FGF3: variants seen among roughly 807,000 people sequenced by gnomAD.
The protein encoded by FGF3 is FGF-3.
A neutral mutation model predicts 9.8 loss-of-function variants in FGF3; 7 were observed. The ratio of observed to expected loss-of-function variants is 0.72; its 90% confidence interval spans 0.41 to 1.35. The LOEUF (loss-of-function observed/expected upper bound fraction) is 1.35, where lower values mean the gene tolerates loss of function less well. Ranked by LOEUF, FGF3 falls within the 40% of genes most tolerant of loss-of-function variation. The probability of loss-of-function intolerance (pLI) is 0.01; values close to 1 mark genes in which losing one functional copy is unlikely to be tolerated. For synonymous variants in FGF3, 173 were observed against 157.2 expected, an observed-to-expected ratio of 1.10 and a Z score of -0.75; for missense variants, 390 against 345.6, an observed-to-expected ratio of 1.13 and a Z score of -1.02.
rs782814843 is a variant in FGF3, at chr11:69,813,938, T to TGATGGGTG, written c.324+2374_324+2381dup. Among the ~76,000 whole-genome samples the TGATGGGTG allele has an allele frequency of 3.6e-3, 105 of 29,530 alleles. 4 individuals are homozygous for TGATGGGTG. The highest frequency in any genetic ancestry group is 4.6e-3 in the Non-Finnish European group (59 of 12,952). The allele number at this position is 29,530 out of a possible 152,430, so 19.4% of individuals were successfully genotyped here. A position where few individuals can be genotyped will look rare whatever the true frequency, so the allele number is the denominator to read the frequency against. ...TTGCTGGATGGATTGGTGGATGGGTTGATGGGTGGATGGGTGGATGGGTGG... is the reference window on the plus strand; with the variant it reads ...TTGCTGGATGGATTGGTGGATGGGTTGATGGGTGGATGGGTGGATGGGTGGATGGGTGG... On this transcript the variant is annotated intron_variant, in intron 2 of 2. Transcript: ENST00000334134.
intron 2 of FGF3, among the ~76,000 whole-genome samples, chr11:69,814,570 G>A (rs1204083428): frequency 3.3e-5 from 5 of 152,064 alleles, no homozygotes; most frequent in Non-Finnish European, 7.4e-5. Context: ...GCATGCTGCC[G>A]GCAAAGTCCA....
chr11:69,816,550 C>A, intron 1 of FGF3, 127 bp from the exon 2 acceptor site: 2 of 703,392 alleles, frequency 2.8e-6, no homozygotes, highest in South Asian at 1.6e-5. Context: ...CCCCACAGGT[C>A]GGGGAGTGAG....
chr11:69,810,059 C>T lies in FGF3; in HGVS notation c.*246G>A, dbSNP rs989603624. ...TCCTCAGTCTGCCAGGGCTGGCACTCAGGCCCTTCCCTGCCGGCTTCCTGC... is the reference window on the plus strand; with the variant it reads ...TCCTCAGTCTGCCAGGGCTGGCACTTAGGCCCTTCCCTGCCGGCTTCCTGC... On this transcript the variant is annotated 3_prime_UTR_variant, in exon 3 of 3. Coordinates refer to ENST00000334134, the MANE Select transcript of FGF3 (RefSeq NM_005247.4). 2.7e-5 allele frequency: 13 copies of T among 481,076 alleles called. No homozygotes were observed. The highest frequency in any genetic ancestry group is 2.6e-4 in the African/African-American group (13 of 50,940). 29.8% of individuals were successfully genotyped at this position (481,076 alleles called of 1,614,324 possible).
intron 2 of FGF3, among the ~76,000 whole-genome samples, chr11:69,815,938 T>G (rs1206542437): frequency 2.6e-5 from 4 of 152,168 alleles, no homozygotes; most frequent in African/African-American, 9.7e-5. Flanking sequence ...AGGAGAGCTC[T>G]GGCTGCCCCA....
intron 2 of FGF3, 109 bp downstream of exon 2, chr11:69,816,211 T>A: frequency 1.1e-6 from 1 of 890,786 alleles, no homozygotes; most frequent in Non-Finnish European, 1.9e-6. Context: ...TTGGGTCCCG[T>A]GTACCCTTGG....
In FGF3 at chr11:69,816,330, A is replaced by T. The variant is rs1856132408; in HGVS notation, c.314T>A (p.Leu105His). The change falls in exon 2 of 3, where the codon CTC becomes CAC. Residue 105 changes from leucine to histidine, a missense_variant. Physicochemically the swap from Leu to His is moderately conservative, Grantham distance 99. Coordinates refer to ENST00000334134, the MANE Select transcript of FGF3 (RefSeq NM_005247.4). ...ACAGCCTGGACTCACCGAAGCATAG[A>T]GTCGTCCCCTCTTGTTCATGGCCAG... Reference protein sequence around the residue: ...RYLAMNKRGRLYASEHYSAEC... With the variant: ...RYLAMNKRGRHYASEHYSAEC... 1 of 1,613,460 alleles carries T rather than the reference A, an allele frequency of 6.2e-7. No homozygotes were observed. Among genetic ancestry groups the T allele is most frequent in the African/African-American group, 1.3e-5 (1 of 74,908 alleles).
At chr11:69,818,405 C>G (rs1337901401) in intron 1 of FGF3, among the ~76,000 whole-genome samples, 2 of 152,144 alleles carry the variant, frequency 1.3e-5, no homozygotes, top group African/African-American at 2.4e-5. Flanking sequence ...CGGGCCGGAC[C>G]GGGGACGGAC....
At chr11:69,813,662 G>A (rs1856066543) in intron 2 of FGF3, among the ~76,000 whole-genome samples, 1 of 135,466 alleles carries the variant, frequency 7.4e-6, no homozygotes, top group Non-Finnish European at 1.6e-5. Context: ...ATGGATGGAT[G>A]GGTGGATGGC....
At position 69,816,361 on chromosome 11, in the gene FGF3, G is replaced by C; in HGVS notation, c.283C>G (p.Arg95Gly). The change falls in exon 2 of 3, where the codon CGG becomes GGG. Residue 95 changes from arginine to glycine, a missense_variant. Coordinates refer to ENST00000334134, the MANE Select transcript of FGF3 (RefSeq NM_005247.4). ...CCCCTCTTGTTCATGGCCAGGTACCGCCCGGAGAAGAGACCCCTGATGGCC... is the reference window on the plus strand; with the variant it reads ...CCCCTCTTGTTCATGGCCAGGTACCCCCCGGAGAAGAGACCCCTGATGGCC... ...IVAIRGLFSG[R>G]YLAMNKRGRL... The C allele has an allele frequency of 6.2e-7, 1 of 1,614,034 alleles. No homozygotes were observed. The highest frequency in any genetic ancestry group is 8.5e-7 in the Non-Finnish European group (1 of 1,179,952).
Position 69,818,837 on chromosome 11 carries a change from CA to C in FGF3, c.96del (p.Gly33AlafsTer46), listed in dbSNP as rs2119940221. The C allele has an allele frequency of 1.4e-6, 2 of 1,476,572 alleles. No homozygotes were observed. Among genetic ancestry groups the C allele is most frequent in the Non-Finnish European group, 1.8e-6 (2 of 1,120,436 alleles). 91.5% of individuals were successfully genotyped at this position (1,476,572 alleles called of 1,614,324 possible). ...CCGCCAAGGTGCTCGTAGACGCCGC[CA>C]CGGCCGCCCGCATCGCGCCGCAACC... ...GARLRRDAGG[R>X]GGVYEHLGGA... On this transcript the variant is annotated frameshift_variant, in exon 1 of 3. Coordinates refer to ENST00000334134, the MANE Select transcript of FGF3 (RefSeq NM_005247.4). LOFTEE classifies it high-confidence loss of function.
chr11:69,817,021 G>A (rs782182056), intron 1 of FGF3, among the ~76,000 whole-genome samples: 3 of 152,224 alleles, frequency 2.0e-5, no homozygotes, highest in Non-Finnish European at 4.4e-5. Context: ...GACCTGGAAG[G>A]GCAGGAAGCC....
rs541541062 is a variant in FGF3 at position 69,816,510 on chromosome 11, C to G, written c.221-87G>C. The G allele has an allele frequency of 1.2e-5, 12 of 1,004,782 alleles. No homozygotes were observed. In the African/African-American group the frequency reaches 1.7e-4, roughly 15 times the overall value. The allele number at this position is 1,004,782 out of a possible 1,614,324, so 62.2% of individuals were successfully genotyped here. On this transcript the variant is annotated intron_variant, in intron 1 of 2. Coordinates refer to ENST00000334134, the MANE Select transcript of FGF3 (RefSeq NM_005247.4). ...GCTGGCCCTGCCCAAAGCCACACCC[C>G]GGGCTCAGGGCTGGGGAGGGTAGCA... is the stretch of plus-strand genomic sequence containing the variant.
At position 69,810,482 on chromosome 11, in the gene FGF3, G is replaced by T; in HGVS notation, c.543C>A (p.Arg181=). The T allele has an allele frequency of 6.2e-7, 1 of 1,607,588 alleles. No homozygotes were observed. Among genetic ancestry groups the T allele is most frequent in the Non-Finnish European group, 8.5e-7 (1 of 1,177,400 alleles). The change falls in exon 3 of 3, where the codon CGC becomes CGA. Residue 181 remains arginine, a synonymous_variant. Coordinates refer to ENST00000334134, the MANE Select transcript of FGF3 (RefSeq NM_005247.4). ...TCTCGTGGTCCCTGTGGTCCAGCAC[G>T]CGGGGCAGGAACAGGGAGGACTTCT... is the stretch of plus-strand genomic sequence containing the variant. ...RTQKSSLFLP[R]VLDHRDHEMV...
In FGF3 at chr11:69,810,309, T is replaced by C; in HGVS notation, c.716A>G (p.His239Arg). 3 of 1,562,444 alleles carry C rather than the reference T, an allele frequency of 1.9e-6. No homozygotes were observed. Among genetic ancestry groups the C allele is most frequent in the Non-Finnish European group, 1.7e-6 (2 of 1,148,942 alleles). The change falls in exon 3 of 3, where the codon CAC (histidine) becomes CGC (arginine). Residue 239 changes from histidine to arginine, a missense_variant. Transcript: ENST00000334134. ...GGCGGTGGCCACCAGGCCCAGCTAG[T>C]GCGCACTGGCCTCCAGCTGGGAGCC... ...RLGSQLEASA[H>R]
rs146918153 is a variant in FGF3, at chr11:69,810,545, C to T, written c.480G>A (p.Lys160=). 3 of 1,612,732 alleles carry T rather than the reference C, an allele frequency of 1.9e-6. No individual in the cohort carries two copies. The highest frequency in any genetic ancestry group is 3.3e-5 in the Admixed American group (2 of 59,974). ...TCTTGAAGCCCCTGCGGGGCCGGCC[C>T]TTGCCGTTCACAGACACGTACCACA... The part of the protein sequence containing the change: ...ERLWYVSVNG[K]GRPRRGFKTR... Residue 160 remains lysine (K), a synonymous_variant, in exon 3 of 3, where the codon AAG becomes AAA. Transcript: ENST00000334134.
At chr11:69,816,742 G>A (rs1458999548) in intron 1 of FGF3, among the ~76,000 whole-genome samples, 1 of 152,146 alleles carries the variant, frequency 6.6e-6, no homozygotes, top group African/African-American at 2.4e-5. Context: ...ATCATCATCC[G>A]ACAGACAAGC....
At chr11:69,817,904 T>G (rs1332690601) in intron 1 of FGF3, among the ~76,000 whole-genome samples, 2 of 152,022 alleles carry the variant, frequency 1.3e-5, no homozygotes, top group Non-Finnish European at 2.9e-5. Flanking sequence ...TCCGGCAGAC[T>G]CCCGCGGTGA....
Position 69,818,847 on chromosome 11 carries a change from C to A in FGF3, c.87G>T (p.Ala29=). 5 of 1,471,290 alleles carry A rather than the reference C, an allele frequency of 3.4e-6. No homozygotes were observed. Among genetic ancestry groups the A allele is most frequent in the Admixed American group, 4.8e-5 (2 of 41,636 alleles). 91.1% of individuals were successfully genotyped at this position (1,471,290 alleles called of 1,614,324 possible). A position where few individuals can be genotyped will look rare whatever the true frequency, so the allele number is the denominator to read the frequency against. Residue 29 remains alanine, a synonymous_variant, in exon 1 of 3, where the codon GCG becomes GCT. Transcript: ENST00000334134. The part of the protein sequence containing the change: ...AGPGARLRRD[A]GGRGGVYEHL... ...GCTCGTAGACGCCGCCACGGCCGCC[C>A]GCATCGCGCCGCAACCGCGCCCCAG...
intron 2 of FGF3, among the ~76,000 whole-genome samples, chr11:69,811,380 G>A (rs1332263652): frequency 6.7e-6 from 1 of 148,842 alleles, no homozygotes; most frequent in Non-Finnish European, 1.5e-5. Flanking sequence ...AACCCGGGAG[G>A]CAGAGGTTGC....
Sources: gnomAD v4.1 joint callset for allele counts (sites outside exome capture counted in the v4.1 genomes callset) on GRCh38, gnomAD v4.1.1 for gene constraint, MANE v1.5 for transcripts, NCBI Gene and HGNC (gene_info 2026-07-23, HGNC 2026-07-21) for gene names.